The following SP140 variants were observed in gnomAD, a reference collection of about 807,000 sequenced individuals.
SP140 encodes nuclear body protein SP140.
Under a neutral mutation model 125.0 loss-of-function variants are expected in SP140, and 81 were observed. The observed-to-expected ratio is 0.65, with a 90% confidence interval of 0.54 to 0.78. The LOEUF is 0.78. SP140 is among the 30% of genes least tolerant of loss of function. The pLI is 0.00. For synonymous variants in SP140, 312 were observed against 354.0 expected, an observed-to-expected ratio of 0.88 and a Z score of 1.33; for missense variants, 858 against 1,037.0, an observed-to-expected ratio of 0.83 and a Z score of 2.37.
At chr2:230,244,420 G>A (rs1218364862) in intron 5 of SP140, among the ~76,000 whole-genome samples, 1 of 152,196 alleles carries the variant, frequency 6.6e-6, no homozygotes, top group Non-Finnish European at 1.5e-5. Context: ...TGCGGTGATG[G>A]TTGTGTGAAT....
At chr2:230,195,286 A>C in the SP140 span, among the ~76,000 whole-genome samples, 6 of 152,130 alleles carry the variant, frequency 3.9e-5, no homozygotes, top group Non-Finnish European at 4.4e-5. Flanking sequence ...TAGGGGATTG[A>C]ATAAAGATGG....
chr2:230,276,060 C>T (rs1035653605), intron 15 of SP140, among the ~76,000 whole-genome samples: 8 of 152,080 alleles, frequency 5.3e-5, no homozygotes, highest in African/African-American at 1.7e-4. Flanking sequence ...AAGTGCAAGG[C>T]GAAGCTGCAA....
At chr2:230,213,160 T>G in intron 1 of SP140, 1 of 833,458 alleles carries the variant, frequency 1.2e-6, no homozygotes, top group Non-Finnish European at 2.0e-6. Flanking sequence ...TGCAGAGAAC[T>G]GATTCATTGT....
chr2:230,280,145 C>T (rs2055325717), intron 15 of SP140, among the ~76,000 whole-genome samples: 2 of 152,116 alleles, frequency 1.3e-5, no homozygotes, highest in Admixed American at 1.3e-4. Context: ...AATTCTTGCA[C>T]ATGGTTGTAT....
At chr2:230,212,292 G>T in intron 1 of SP140, 1 of 1,315,122 alleles carries the variant, frequency 7.6e-7, no homozygotes, top group Non-Finnish European at 1.1e-6. Context: ...GCAGACGCAT[G>T]TTCTCCCTTC....
At chr2:230,273,787 G>T (rs957310299) in intron 15 of SP140, among the ~76,000 whole-genome samples, 2 of 152,184 alleles carry the variant, frequency 1.3e-5, no homozygotes, top group Non-Finnish European at 2.9e-5. Context: ...ATAAGATCAT[G>T]TGCTTTGCAG....
chr2:230,303,062 G>A (rs535870599), intron 22 of SP140, among the ~76,000 whole-genome samples: 2 of 152,094 alleles, frequency 1.3e-5, no homozygotes, highest in Admixed American at 6.5e-5. Context: ...ACAAAGATCA[G>A]AGAAGAACTA....
At chr2:230,295,085 G>C (rs1307539527) in intron 21 of SP140, among the ~76,000 whole-genome samples, 3 of 152,228 alleles carry the variant, frequency 2.0e-5, no homozygotes, top group African/African-American at 7.2e-5. Context: ...CTCTCTTGAA[G>C]AATGCAACAA....
At position 230,313,138 on chromosome 2, in the gene SP140, A is replaced by G. The variant is rs1389806775; in HGVS notation, c.*454A>G. The G allele has an allele frequency of 3.2e-5, 5 of 157,596 alleles. No homozygotes were observed. In the Admixed American group the frequency reaches 3.3e-4, roughly 10 times the overall value. 9.8% of individuals were successfully genotyped at this position (157,596 alleles called of 1,614,324 possible). ...TCACGGTGGTGCATGAGTGTCCATC[A>G]TCTGACTCTTCTCGGAGTCTCATAT... On this transcript the variant is annotated 3_prime_UTR_variant, in exon 27 of 27. Transcript: ENST00000392045.
intron 11 of SP140, among the ~76,000 whole-genome samples, chr2:230,254,023 CAG>C (rs1222191664): frequency 6.6e-6 from 1 of 151,906 alleles, no homozygotes; most frequent in Non-Finnish European, 1.5e-5. Context: ...CCCAAAGAAA[CAG>C]AGACAGAAAA....
At chr2:230,294,040 A>G (rs2057417360) in intron 20 of SP140, among the ~76,000 whole-genome samples, 3 of 152,234 alleles carry the variant, frequency 2.0e-5, no homozygotes, top group African/African-American at 7.2e-5. Context: ...GGACTTAGGA[A>G]AGAAGCACAA....
At chr2:230,293,435 C>G (rs1459721395) in intron 20 of SP140, among the ~76,000 whole-genome samples, 1 of 152,212 alleles carries the variant, frequency 6.6e-6, no homozygotes, top group Non-Finnish European at 1.5e-5. Flanking sequence ...CTCCCAGATT[C>G]AAGTGATTCT....
In SP140 at chr2:230,312,677, A is replaced by G. The variant is rs1338705117; in HGVS notation, c.2597A>G (p.Asn866Ser). 5.0e-6 allele frequency: 8 copies of G among 1,604,986 alleles called. No homozygotes were observed. In the South Asian group the frequency reaches 5.5e-5, roughly 11 times the overall value. ...EVFAIQETNGNN is the reference protein window; with the variant it reads ...EVFAIQETNGSN The stretch of plus-strand genomic sequence containing the variant: ...TTTGCTATTCAGGAAACAAATGGGA[A>G]CAATTGACTGGATTAGTGGATGCTG... The change falls in exon 27 of 27, where the codon AAC becomes AGC. Residue 866 changes from asparagine (N) to serine (S), a missense_variant. Asn to Ser is a conservative substitution (Grantham distance 46, BLOSUM62 1). Coordinates refer to ENST00000392045, the MANE Select transcript of SP140 (RefSeq NM_007237.5).
At chr2:230,223,842 A>G (rs2046015577), upstream of SP140, among the ~76,000 whole-genome samples, 1 of 152,238 alleles carries the variant, frequency 6.6e-6, no homozygotes, top group South Asian at 2.1e-4. Flanking sequence ...TCTTCCAGGT[A>G]GAATGAAAGC....
chr2:230,253,519 A>G, intron 11 of SP140, 102 bp downstream of exon 11: 1 of 802,208 alleles, frequency 1.2e-6, no homozygotes, highest in East Asian at 2.6e-5. Flanking sequence ...TCTCTTCTTC[A>G]CATTCGCATA....
At chr2:230,262,363 T>C (rs998348021) in intron 12 of SP140, among the ~76,000 whole-genome samples, 6 of 152,208 alleles carry the variant, frequency 3.9e-5, no homozygotes, top group Non-Finnish European at 7.4e-5. Context: ...TTGCCAATGG[T>C]CTATCCATTT....
chr2:230,260,382 C>T (rs1205065705), intron 12 of SP140, among the ~76,000 whole-genome samples: 1 of 152,158 alleles, frequency 6.6e-6, no homozygotes, highest in East Asian at 1.9e-4. Flanking sequence ...TTTTCTCCCA[C>T]TCTGTGGGTT....
intron 12 of SP140, among the ~76,000 whole-genome samples, chr2:230,255,783 G>C (rs1261546579): frequency 1.3e-5 from 2 of 152,158 alleles, no homozygotes; most frequent in Non-Finnish European, 2.9e-5. Context: ...CAGTCTAGTG[G>C]TAGTCAAAAT....
At chr2:230,210,333 G>A (rs985104799) in intron 1 of SP140, among the ~76,000 whole-genome samples, 2 of 152,210 alleles carry the variant, frequency 1.3e-5, no homozygotes, top group African/African-American at 4.8e-5. Flanking sequence ...ACTGTGCTGG[G>A]TATCATGACT....
Sources: allele counts gnomAD v4.1 joint callset (sites outside exome capture counted in the v4.1 genomes callset), GRCh38; gene constraint gnomAD v4.1.1; transcripts MANE v1.5; gene names NCBI Gene and HGNC (gene_info 2026-07-23, HGNC 2026-07-21).